Variants in TFCP2L1 observed in about 807,000 individuals in gnomAD.
TFCP2L1 encodes transcription factor CP2 like 1, also known as transcription factor CP2-like protein 1.
Under a neutral mutation model 72.2 loss-of-function variants are expected in TFCP2L1, and 12 were observed. The ratio of observed to expected loss-of-function variants is 0.17; its 90% CI spans 0.11 to 0.27. The LOEUF (loss-of-function observed/expected upper bound fraction) is 0.27, where lower values mean the gene tolerates loss of function less well. Among genes scored for constraint, TFCP2L1 ranks in the 10% least tolerant of loss-of-function variants. The pLI is 1.00. For missense variants in TFCP2L1, 488 were observed against 624.6 expected (o/e 0.78, Z 2.33); for synonymous variants, 260 against 251.0 (o/e 1.04, Z -0.34).
chr2:121,235,414 G>A, intron 10 of TFCP2L1, 103 bp from the exon 11 acceptor site: 7 of 1,103,780 alleles, frequency 6.3e-6, no homozygotes, highest in South Asian at 2.6e-5. Flanking sequence ...GGGGGGTGGG[G>A]AAGAGCCAGC....
rs137971940 is a variant in TFCP2L1 at position 121,239,606 on chromosome 2, G to A, written c.812C>T (p.Pro271Leu). ...TGGAGAACCATTGTAGCTTGGGGAC[G>A]GGGCGCTGTTCACCTGGTAGGCCAC... ...PDVAYQVNSA[P>L]SPSYNGSPNS... The change falls in exon 8 of 15, where the codon CCG (proline) becomes CTG (leucine). Residue 271 changes from proline (P) to leucine (L), a missense_variant. This residue lies in a region of TFCP2L1 where 286 missense variants were observed against 329.0 expected (regional missense o/e 0.87). Coordinates refer to ENST00000263707, the MANE Select transcript of TFCP2L1 (RefSeq NM_014553.3). 6.2e-6 allele frequency: 10 copies of A among 1,614,190 alleles called. No individual in the cohort carries two copies. The highest frequency in any genetic ancestry group is 2.7e-5 in the African/African-American group (2 of 75,056).
intron 13 of TFCP2L1, among the ~76,000 whole-genome samples, chr2:121,228,940 G>T (rs1355928565): frequency 6.6e-6 from 1 of 151,946 alleles, no homozygotes; most frequent in Non-Finnish European, 1.5e-5. Context: ...ATATTTTTGA[G>T]ATGGAGTCTC....
chr2:121,225,615 TGA>T lies in TFCP2L1; in HGVS notation c.1342-4_1342-3del, dbSNP rs1686013061. 1 of 1,614,052 alleles carries T rather than the reference TGA, an allele frequency of 6.2e-7. No individual in the cohort carries two copies. The highest frequency in any genetic ancestry group is 8.5e-7 in the Non-Finnish European group (1 of 1,179,966). ...TTCATCTTGGAAGTTCTGCACCATC[TGA>T]GAGACAAAAGAGAGAACATGTTCCT... On this transcript the variant is annotated splice_region_variant and splice_polypyrimidine_tract_variant and intron_variant, in intron 13 of 14. Transcript: ENST00000263707.
At chr2:121,274,620 A>G (rs1209612414) in intron 2 of TFCP2L1, among the ~76,000 whole-genome samples, 1 of 152,188 alleles carries the variant, frequency 6.6e-6, no homozygotes, top group Non-Finnish European at 1.5e-5. Context: ...TCCAATCCCA[A>G]GCATTTAGGA....
chr2:121,255,778 T>G (rs904755027), intron 2 of TFCP2L1, among the ~76,000 whole-genome samples: 1 of 151,780 alleles, frequency 6.6e-6, no homozygotes, highest in Non-Finnish European at 1.5e-5. Context: ...AATCTCGCTC[T>G]GTCGCCCAGG....
At chr2:121,247,588 G>A (rs1361105112) in intron 5 of TFCP2L1, among the ~76,000 whole-genome samples, 4 of 151,586 alleles carry the variant, frequency 2.6e-5, no homozygotes, top group Admixed American at 2.6e-4. Context: ...CGCTTTTATT[G>A]AGTGATTCCT....
intron 6 of TFCP2L1, 28 bp from the exon 7 acceptor site, chr2:121,242,497 G>A (rs1323732309): frequency 6.2e-7 from 1 of 1,607,818 alleles, no homozygotes; most frequent in East Asian, 2.2e-5. Flanking sequence ...AGTCCAATCA[G>A]CCCAAAACCA....
At chr2:121,276,576 T>C (rs1178104794) in intron 2 of TFCP2L1, among the ~76,000 whole-genome samples, 1 of 147,594 alleles carries the variant, frequency 6.8e-6, no homozygotes, top group East Asian at 2.0e-4. Flanking sequence ...GAGGCTGCAG[T>C]GAGCTGAGAT....
intron 6 of TFCP2L1, among the ~76,000 whole-genome samples, chr2:121,245,561 C>T (rs1030500721): frequency 6.6e-6 from 1 of 152,200 alleles, no homozygotes; most frequent in Non-Finnish European, 1.5e-5. Context: ...CTAACCAAGG[C>T]GTCCCAAACC....
chr2:121,281,319 C>G (rs1687255666), intron 1 of TFCP2L1, 48 bp from the exon 2 acceptor site: 2 of 1,538,924 alleles, frequency 1.3e-6, no homozygotes, highest in East Asian at 4.5e-5. Context: ...CCAGGGGGCT[C>G]CTGCACAGAG....
rs1685967675 is a variant in TFCP2L1 at position 121,223,586 on chromosome 2, CT to C, written c.*754del. 1 of 152,678 alleles carries C rather than the reference CT, an allele frequency of 6.5e-6. No individual in the cohort carries two copies. 9.5% of individuals were successfully genotyped at this position (152,678 alleles called of 1,614,324 possible). A position where few individuals can be genotyped will look rare whatever the true frequency, so the allele number is the denominator to read the frequency against. On this transcript the variant is annotated 3_prime_UTR_variant, in exon 15 of 15. Transcript: ENST00000263707. ...ATAGTCTTTTTCTATTACCATCCCCCTAACCTCCCCACAAAGGGCCTCAGAA... is the reference window on the plus strand; with the variant it reads ...ATAGTCTTTTTCTATTACCATCCCCCAACCTCCCCACAAAGGGCCTCAGAA...
At chr2:121,274,316 G>T (rs1250778118) in intron 2 of TFCP2L1, among the ~76,000 whole-genome samples, 1 of 152,112 alleles carries the variant, frequency 6.6e-6, no homozygotes, top group Admixed American at 6.6e-5. Context: ...TACAGGTTGA[G>T]CATCCCTAAT....
At chr2:121,239,950 G>T in intron 7 of TFCP2L1, 1 of 743,668 alleles carries the variant, frequency 1.3e-6, no homozygotes, top group Non-Finnish European at 1.6e-6. Context: ...TGATTCTTGG[G>T]TCCACGAGAG....
At chr2:121,267,980 A>G (rs754250178) in intron 2 of TFCP2L1, among the ~76,000 whole-genome samples, 3 of 152,230 alleles carry the variant, frequency 2.0e-5, no homozygotes, top group Non-Finnish European at 4.4e-5. Flanking sequence ...TGGGCAACAC[A>G]GGGAGACCCT....
At position 121,260,746 on chromosome 2, in the gene TFCP2L1, G is replaced by A. The variant is rs186675191; in HGVS notation, c.215-11099C>T. ...TCTCCCAGTGGGCCTCCCCTGGGTC[G>A]TGCCCACCAGGTGCTCCTGCAGAGC... On this transcript the variant is annotated intron_variant, in intron 2 of 14. Coordinates refer to ENST00000263707, the MANE Select transcript of TFCP2L1 (RefSeq NM_014553.3). 8.5e-5 allele frequency among the ~76,000 whole-genome samples: 13 copies of A among 152,286 alleles called. No individual in the cohort carries two copies. The East Asian group carries it at 2.1e-3, about 25-fold the overall frequency.
chr2:121,275,430 A>G (rs1274468640), intron 2 of TFCP2L1, among the ~76,000 whole-genome samples: 1 of 151,076 alleles, frequency 6.6e-6, no homozygotes, highest in African/African-American at 2.4e-5. Flanking sequence ...TAACATGTAG[A>G]CATTTTACAT....
intron 6 of TFCP2L1, among the ~76,000 whole-genome samples, chr2:121,243,805 T>G (rs984532473): frequency 3.3e-5 from 5 of 151,894 alleles, no homozygotes; most frequent in Non-Finnish European, 5.9e-5. Context: ...TTATGATGAG[T>G]TGTATAATTA....
chr2:121,273,946 T>C (rs1687094796), intron 2 of TFCP2L1, among the ~76,000 whole-genome samples: 1 of 151,880 alleles, frequency 6.6e-6, no homozygotes, highest in South Asian at 2.1e-4. Context: ...ATACAAAAAT[T>C]AGCCTGGCGT....
intron 11 of TFCP2L1, among the ~76,000 whole-genome samples, chr2:121,234,892 A>G (rs1173430915): frequency 6.6e-6 from 1 of 152,218 alleles, no homozygotes. Flanking sequence ...AGCAGCTCCG[A>G]GCCCAGGACC....
Sources: gnomAD v4.1 joint callset for allele counts (sites outside exome capture counted in the v4.1 genomes callset) on GRCh38, gnomAD v4.1.1 for gene constraint, gnomAD v4.1.1 regional missense constraint, MANE v1.5 for transcripts, NCBI Gene and HGNC (gene_info 2026-07-23, HGNC 2026-07-21) for gene names.